The following ARSH variants were observed in gnomAD, a reference collection of about 807,000 sequenced individuals.
ARSH encodes arylsulfatase H.
ARSH carries 32 observed loss-of-function variants against 28.7 expected under a neutral mutation model. The ratio of observed to expected loss-of-function variants is 1.11; its 90% confidence interval spans 0.84 to 1.50. ARSH has a LOEUF of 1.50. Ranked by LOEUF, ARSH falls within the 40% of genes most tolerant of loss-of-function variation. The pLI is 0.00. For synonymous variants in ARSH, 176 were observed against 177.3 expected, an observed-to-expected ratio of 0.99 and a Z score of 0.06; for missense variants, 440 against 452.4, an observed-to-expected ratio of 0.97 and a Z score of 0.25.
At chrX:3,013,247 G>C in intron 3 of ARSH, 75 bp downstream of exon 3, 4 of 1,108,814 alleles carry the variant, frequency 3.6e-6, no homozygotes, top group Non-Finnish European at 4.8e-6. Context: ...GTGTTTCCGG[G>C]GATGTTGGCT....
chrX:3,023,912 A>T (rs1347148237), intron 5 of ARSH, 109 bp from the exon 6 acceptor site: 2 of 870,420 alleles, frequency 2.3e-6, no homozygotes, highest in Non-Finnish European at 3.2e-6. Context: ...TGTAGTGCAG[A>T]ATAACATTGA....
At chrX:3,014,490 A>G (rs1207166684) in intron 3 of ARSH, among the ~76,000 whole-genome samples, 1 of 110,999 alleles carries the variant, frequency 9.0e-6, no homozygotes, top group Non-Finnish European at 1.9e-5. Context: ...TGTTCCATCT[A>G]TACATAAAAT....
intron 5 of ARSH, among the ~76,000 whole-genome samples, chrX:3,020,275 A>AAAC (rs1491410296): frequency 1.7e-3 from 19 of 11,399 alleles, no homozygotes; most frequent in African/African-American, 5.5e-3. Context: ...ACCCCGTCTC[A>AAAC]AAAAAAAAAA....
intron 5 of ARSH, among the ~76,000 whole-genome samples, chrX:3,021,881 TTG>T (rs3032484): frequency 0.026 from 2,454 of 94,184 alleles, 28 homozygotes; most frequent in Non-Finnish European, 0.03. Flanking sequence ...TCTGGCCAAT[TTG>T]TGTGTGTGTG....
chrX:3,011,595 T>C (rs1001504296), intron 2 of ARSH, among the ~76,000 whole-genome samples: 3 of 111,976 alleles, frequency 2.7e-5, no homozygotes, highest in African/African-American at 9.7e-5. Context: ...AAATAAAATT[T>C]ATTTTTAAAA....
intron 3 of ARSH, among the ~76,000 whole-genome samples, chrX:3,014,369 C>T (rs1438487791): frequency 9.0e-6 from 1 of 111,288 alleles, no homozygotes; most frequent in African/African-American, 3.3e-5. Context: ...TGACCTGGCC[C>T]CCTAGAGTAT....
intron 1 of ARSH, among the ~76,000 whole-genome samples, chrX:3,008,265 G>T (rs977611401): frequency 9.0e-6 from 1 of 111,317 alleles, no homozygotes. Flanking sequence ...AAAGTCTCTG[G>T]TACCCGGGGC....
At chrX:3,032,081 C>A (rs1603463644) in intron 8 of ARSH, among the ~76,000 whole-genome samples, 1 of 111,136 alleles carries the variant, frequency 9.0e-6, no homozygotes, top group East Asian at 2.8e-4. Flanking sequence ...CGGTATAATC[C>A]TCATTTACCA....
At chrX:3,020,119 C>G (rs142321520) in intron 5 of ARSH, among the ~76,000 whole-genome samples, 1 of 106,065 alleles carries the variant, frequency 9.4e-6, no homozygotes, top group African/African-American at 3.5e-5. Context: ...GGCTCCATCT[C>G]TACAAAAAAA....
intron 1 of ARSH, among the ~76,000 whole-genome samples, chrX:3,008,497 CT>C (rs769020343): frequency 7.2e-5 from 7 of 97,095 alleles, no homozygotes; most frequent in Non-Finnish European, 1.0e-4. Flanking sequence ...TTCTTTCTTT[CT>C]TTCTTTCTTT....
chrX:3,020,481 C>T (rs1453451668), intron 5 of ARSH, among the ~76,000 whole-genome samples: 3 of 100,948 alleles, frequency 3.0e-5, no homozygotes, highest in African/African-American at 7.2e-5. Flanking sequence ...CCCAGCTACT[C>T]CGGAGGCTGA....
chrX:3,022,271 A>C (rs2089886460), intron 5 of ARSH, among the ~76,000 whole-genome samples: 2 of 112,083 alleles, frequency 1.8e-5, no homozygotes, highest in African/African-American at 6.5e-5. Context: ...TTTTTATACT[A>C]TAGCCAGATC....
chrX:3,013,118 G>C lies in ARSH; in HGVS notation c.286G>C (p.Glu96Gln), dbSNP rs751632795. 1.7e-6 allele frequency: 2 copies of C among 1,209,511 alleles called. No individual in the cohort carries two copies. Among genetic ancestry groups the C allele is most frequent in the South Asian group, 3.5e-5 (2 of 56,748 alleles). ...TGGGTCAGGTGGTCTTCCCACCAAT[G>C]AAACGACTTTTGCCAAGCTGCTGCA... is the stretch of plus-strand genomic sequence containing the variant. The part of the protein sequence containing the change: ...LGGSGGLPTN[E>Q]TTFAKLLQHR... The change falls in exon 3 of 9, where the codon GAA becomes CAA. Residue 96 changes from glutamate (E) to glutamine (Q), a missense_variant. Coordinates refer to ENST00000381130, the MANE Select transcript of ARSH (RefSeq NM_001011719.2).
intron 2 of ARSH, among the ~76,000 whole-genome samples, chrX:3,011,252 C>CTTT (rs386419239): frequency 8.8e-5 from 8 of 90,913 alleles, no homozygotes; most frequent in Non-Finnish European, 1.1e-4. Context: ...TTCTTTCTTT[C>CTTT]TTTTTTTTTT....
At chrX:3,031,264 A>G (rs1338534302) in intron 8 of ARSH, among the ~76,000 whole-genome samples, 1 of 111,990 alleles carries the variant, frequency 8.9e-6, no homozygotes, top group Non-Finnish European at 1.9e-5. Flanking sequence ...AAGAGAGACT[A>G]TGAATACCCA....
At chrX:3,027,111 C>T (rs1353961217) in intron 6 of ARSH, among the ~76,000 whole-genome samples, 1 of 111,246 alleles carries the variant, frequency 9.0e-6, no homozygotes, top group Non-Finnish European at 1.9e-5. Flanking sequence ...GCGCCCACCA[C>T]CATGCCCAGC....
In ARSH at chrX:3,018,240, G is replaced by C. The variant is rs376001581; in HGVS notation, c.765-294G>C. 5.0e-4 allele frequency among the ~76,000 whole-genome samples: 56 copies of C among 111,817 alleles called. 1 individual carries two copies. In the South Asian group the frequency reaches 0.019, roughly 37 times the overall value. On this transcript the variant is annotated intron_variant, in intron 4 of 8. Coordinates refer to ENST00000381130, the MANE Select transcript of ARSH (RefSeq NM_001011719.2). The stretch of plus-strand genomic sequence containing the variant: ...TCTCACACTCCTGGGCTCATGCAAT[G>C]CTCCTGCCTCAGCCTCCCAAAGTGC...
At chrX:3,010,305 T>C (rs2089843117) in intron 2 of ARSH, among the ~76,000 whole-genome samples, 154 bp downstream of exon 2, 1 of 112,221 alleles carries the variant, frequency 8.9e-6, no homozygotes, top group African/African-American at 3.2e-5. Context: ...AGCTTAAATA[T>C]GTGTGCCTCT....
intron 8 of ARSH, among the ~76,000 whole-genome samples, chrX:3,031,016 G>A (rs1450599138): frequency 1.8e-5 from 2 of 110,522 alleles, no homozygotes; most frequent in Admixed American, 1.9e-4. Flanking sequence ...AGCCAGGTAT[G>A]GTGGCATACA....
Sources: allele counts gnomAD v4.1 joint callset (sites outside exome capture counted in the v4.1 genomes callset), GRCh38; gene constraint gnomAD v4.1.1; transcripts MANE v1.5; gene names NCBI Gene and HGNC (gene_info 2026-07-23, HGNC 2026-07-21).